The following ABCA12 variants were observed in gnomAD, a reference collection of about 807,000 sequenced individuals.
The protein encoded by ABCA12 is glucosylceramide transporter ABCA12.
ABCA12 carries 156 observed loss-of-function variants against 293.5 expected under a neutral mutation model. That is an observed-to-expected ratio of 0.53 (90% CI 0.47 to 0.61). The LOEUF (loss-of-function observed/expected upper bound fraction) is 0.61, where lower values mean the gene tolerates loss of function less well. Ranked by LOEUF, ABCA12 falls within the 20% of genes least tolerant of loss-of-function variation. The probability of loss-of-function intolerance (pLI) is 0.00; values close to 1 mark genes in which losing one functional copy is unlikely to be tolerated. For missense variants in ABCA12, 2,797 were observed against 3,090.2 expected (o/e 0.91, Z 2.25); for synonymous variants, 1,063 against 1,108.0 (o/e 0.96, Z 0.81).
In ABCA12 at chr2:215,010,554, T is replaced by C. The variant is rs1001776074; in HGVS notation, c.2333-84A>G. ...ATGGCAAATTGACAGAGATTATTCT[T>C]ATCACACCCAAAAATACATGCTCTA... On this transcript the variant is annotated intron_variant, in intron 17 of 52. Coordinates refer to ENST00000272895, the MANE Select transcript of ABCA12 (RefSeq NM_173076.3). 3.1e-5 allele frequency: 45 copies of C among 1,450,218 alleles called. 1 individual carries two copies. The African/African-American group carries it at 6.1e-4, about 20-fold the overall frequency. 89.8% of individuals were successfully genotyped at this position (1,450,218 alleles called of 1,614,324 possible). A position where few individuals can be genotyped will look rare whatever the true frequency, so the allele number is the denominator to read the frequency against.
At chr2:214,996,433 T>C (rs1451820638) in intron 23 of ABCA12, among the ~76,000 whole-genome samples, 1 of 152,204 alleles carries the variant, frequency 6.6e-6, no homozygotes, top group Non-Finnish European at 1.5e-5. Context: ...TCACAGTTTC[T>C]ATCTCAAAGA....
intron 7 of ABCA12, among the ~76,000 whole-genome samples, chr2:215,040,261 CA>C (rs1250368157): frequency 6.6e-6 from 1 of 152,018 alleles, no homozygotes; most frequent in Admixed American, 6.6e-5. Flanking sequence ...GCTATTCTAT[CA>C]AAAAGGCAAA....
intron 2 of ABCA12, among the ~76,000 whole-genome samples, chr2:215,100,308 G>A (rs1207641269): frequency 6.6e-6 from 1 of 152,006 alleles, no homozygotes; most frequent in Non-Finnish European, 1.5e-5. Context: ...GAGAAGTTCT[G>A]CCTCCAAGAT....
chr2:215,108,192 C>A (rs1702501610), intron 2 of ABCA12, among the ~76,000 whole-genome samples: 1 of 152,182 alleles, frequency 6.6e-6, no homozygotes, highest in Non-Finnish European at 1.5e-5. Flanking sequence ...GACCTAATTT[C>A]TATGATACTT....
chr2:215,070,384 T>A (rs990695368), intron 2 of ABCA12, among the ~76,000 whole-genome samples: 32 of 152,230 alleles, frequency 2.1e-4, no homozygotes, highest in South Asian at 1.9e-3. Context: ...ATCTTTTTTT[T>A]AAATGTTTTT....
chr2:215,007,201 T>C (rs908043079), intron 19 of ABCA12, among the ~76,000 whole-genome samples: 1 of 152,156 alleles, frequency 6.6e-6, no homozygotes, highest in East Asian at 1.9e-4. Context: ...ATTATAACTT[T>C]TGCTTCCTTA....
chr2:215,012,661 A>G (rs1463338164), intron 15 of ABCA12, among the ~76,000 whole-genome samples: 2 of 152,192 alleles, frequency 1.3e-5, no homozygotes, highest in Non-Finnish European at 2.9e-5. Context: ...CTGCAAATAG[A>G]CATGAGGTTT....
intron 2 of ABCA12, among the ~76,000 whole-genome samples, chr2:215,109,365 C>T (rs1702524523): frequency 6.6e-6 from 1 of 152,084 alleles, no homozygotes; most frequent in Non-Finnish European, 1.5e-5. Context: ...CTGTAATCTC[C>T]CTGTGTTGCA....
At chr2:215,012,782 A>G (rs879110131) in intron 15 of ABCA12, among the ~76,000 whole-genome samples, 1 of 152,220 alleles carries the variant, frequency 6.6e-6, no homozygotes, top group Non-Finnish European at 1.5e-5. Context: ...AGTGATTTTT[A>G]TGGTATATAA....
rs1700729342 is a variant in ABCA12, at chr2:215,025,710, T to C, written c.1250A>G (p.Asp417Gly). ...KSFLRNGSYEDYFPPVPEVLK... is the reference protein window; with the variant it reads ...KSFLRNGSYEGYFPPVPEVLK... ...GACTTCAGGAACTGGAGGAAAGTAA[T>C]CTTCATAGGAACCATTGCGAAGAAA... The change falls in exon 11 of 53, where the codon GAT becomes GGT. Residue 417 changes from aspartate to glycine, a missense_variant. This residue lies in a region of ABCA12 where 656 missense variants were observed against 638.2 expected (regional missense o/e 1.03). Coordinates refer to ENST00000272895, the MANE Select transcript of ABCA12 (RefSeq NM_173076.3). 1 of 1,612,414 alleles carries C rather than the reference T, an allele frequency of 6.2e-7. No individual in the cohort carries two copies. Among genetic ancestry groups the C allele is most frequent in the Non-Finnish European group, 8.5e-7 (1 of 1,179,304 alleles).
intron 15 of ABCA12, chr2:215,013,159 T>C (rs1426728113): frequency 6.6e-6 from 1 of 152,184 alleles, no homozygotes; most frequent in Non-Finnish European, 1.5e-5. Context: ...AACTTTGATC[T>C]ATTAGGAGGA....
rs753119888 is a variant in ABCA12 at position 215,049,777 on chromosome 2, C to T, written c.542G>A (p.Arg181Gln). 8.7e-6 allele frequency: 14 copies of T among 1,613,320 alleles called. No individual in the cohort carries two copies. The highest frequency in any genetic ancestry group is 1.7e-4 in the Middle Eastern group (1 of 5,972). Residue 181 changes from arginine to glutamine, a missense_variant, in exon 6 of 53, where the codon CGA becomes CAA. This residue lies in a region of ABCA12 where 656 missense variants were observed against 638.2 expected (regional missense o/e 1.03). Coordinates refer to ENST00000272895, the MANE Select transcript of ABCA12 (RefSeq NM_173076.3). The part of the protein sequence containing the change: ...LKQNSTSEDI[R>Q]RELCDSYSGY... ...TGAATAGCTGTCACATAGTTCTCTT[C>T]GTATATCTTCTGAAGTTGAATTTTG...
intron 1 of ABCA12, among the ~76,000 whole-genome samples, chr2:215,117,303 T>A (rs951698084): frequency 1.3e-5 from 2 of 152,200 alleles, no homozygotes; most frequent in African/African-American, 4.8e-5. Flanking sequence ...TCCTGTTGCA[T>A]GCAAGTGTTG....
In ABCA12 at chr2:214,989,433, G is replaced by T; in HGVS notation, c.3725C>A (p.Pro1242Gln). Residue 1242 changes from proline to glutamine, a missense_variant, in exon 26 of 53, where the codon CCG becomes CAG. By Grantham distance (76) the Pro-to-Gln change is moderately conservative. Coordinates refer to ENST00000272895, the MANE Select transcript of ABCA12 (RefSeq NM_173076.3). ...AAATGAGGTGGTGTCATCCTGAACCGGGGAGGTGTACATATTTTCCCACTG... is the reference window on the plus strand; with the variant it reads ...AAATGAGGTGGTGTCATCCTGAACCTGGGAGGTGTACATATTTTCCCACTG... ...GLQWENMYTSPVQDDTTSFGW... is the reference protein window; with the variant it reads ...GLQWENMYTSQVQDDTTSFGW... The T allele has an allele frequency of 6.2e-7, 1 of 1,613,324 alleles. No individual in the cohort carries two copies. Among genetic ancestry groups the T allele is most frequent in the Non-Finnish European group, 8.5e-7 (1 of 1,179,768 alleles).
intron 1 of ABCA12, among the ~76,000 whole-genome samples, chr2:215,136,356 A>G (rs1703225701): frequency 6.6e-6 from 1 of 152,220 alleles, no homozygotes; most frequent in African/African-American, 2.4e-5. Flanking sequence ...GAGAAAATTG[A>G]TATACCTACT....
chr2:215,113,519 C>T (rs1702621006), intron 1 of ABCA12, among the ~76,000 whole-genome samples: 1 of 151,950 alleles, frequency 6.6e-6, no homozygotes, highest in Non-Finnish European at 1.5e-5. Context: ...TAAGAAGCTC[C>T]CAGGTAAGTG....
intron 44 of ABCA12, among the ~76,000 whole-genome samples, chr2:214,951,315 G>T (rs140627710): frequency 6.6e-6 from 1 of 152,256 alleles, no homozygotes; most frequent in East Asian, 1.9e-4. Context: ...AATGTTTACA[G>T]ATCCACTGTT....
intron 51 of ABCA12, among the ~76,000 whole-genome samples, chr2:214,935,146 G>A (rs1204915442): frequency 6.6e-6 from 1 of 152,180 alleles, no homozygotes; most frequent in Non-Finnish European, 1.5e-5. Context: ...TTGACATGCA[G>A]TTGCATTATA....
At chr2:214,964,363 G>A (rs1405680706) in intron 39 of ABCA12, among the ~76,000 whole-genome samples, 2 of 152,126 alleles carry the variant, frequency 1.3e-5, no homozygotes, top group African/African-American at 4.8e-5. Context: ...ACATAGTATT[G>A]GAAGTTTTCG....
Sources: gnomAD v4.1 joint callset for allele counts (sites outside exome capture counted in the v4.1 genomes callset) on GRCh38, gnomAD v4.1.1 for gene constraint, gnomAD v4.1.1 regional missense constraint, MANE v1.5 for transcripts, NCBI Gene and HGNC (gene_info 2026-07-23, HGNC 2026-07-21) for gene names.